Variants in PRKX observed in about 807,000 individuals in gnomAD.
PRKX encodes the protein protein kinase cAMP-dependent X-linked catalytic subunit.
In PRKX, 12 loss-of-function variants were observed where a neutral mutation model predicts 22.0. The observed-to-expected ratio is 0.54, with a 90% CI of 0.35 to 0.88. The LOEUF (loss-of-function observed/expected upper bound fraction) is 0.88, where lower values mean the gene tolerates loss of function less well. Among genes scored for constraint, PRKX ranks in the 40% least tolerant of loss-of-function variants. The pLI, the probability that PRKX is intolerant of heterozygous loss-of-function variation, is 0.01. For missense variants in PRKX, 217 were observed against 308.0 expected, an observed-to-expected ratio of 0.70 and a Z score of 2.21; for synonymous variants, 134 against 137.7, an observed-to-expected ratio of 0.97 and a Z score of 0.19.
chrX:3,650,829 A>T (rs1927312887), intron 3 of PRKX, among the ~76,000 whole-genome samples: 1 of 105,054 alleles, frequency 9.5e-6, no homozygotes, highest in African/African-American at 3.5e-5. Context: ...CAGTGAGCCA[A>T]GATCCCACCA....
chrX:3,653,648 ATT>A (rs1200820233), intron 3 of PRKX, among the ~76,000 whole-genome samples: 2 of 70,029 alleles, frequency 2.9e-5, no homozygotes, highest in Non-Finnish European at 5.1e-5. Context: ...TAATATATAT[ATT>A]ATATATAATA....
intron 4 of PRKX, among the ~76,000 whole-genome samples, chrX:3,637,975 T>C (rs1402537205): frequency 9.0e-6 from 1 of 110,499 alleles, no homozygotes; most frequent in Non-Finnish European, 1.9e-5. Context: ...TTGGCCAGGC[T>C]GGTCTCGAAC....
intron 2 of PRKX, among the ~76,000 whole-genome samples, chrX:3,672,925 G>A (rs908981595): frequency 9.0e-6 from 1 of 111,486 alleles, no homozygotes; most frequent in African/African-American, 3.3e-5. Flanking sequence ...GGCGGCAGAG[G>A]CTGCAGTGGG....
At chrX:3,636,595 C>T (rs1179203871) in intron 4 of PRKX, among the ~76,000 whole-genome samples, 2 of 112,869 alleles carry the variant, frequency 1.8e-5, no homozygotes, top group African/African-American at 6.4e-5. Context: ...TGTGGTGGCT[C>T]ACGCCTGTAA....
intron 2 of PRKX, among the ~76,000 whole-genome samples, chrX:3,656,323 G>A (rs770417112): frequency 9.0e-6 from 1 of 111,636 alleles, no homozygotes; most frequent in Non-Finnish European, 1.9e-5. Flanking sequence ...TATGGGTGTA[G>A]ATGGATAGTA....
chrX:3,615,104 C>T (rs1260366898), intron 7 of PRKX, among the ~76,000 whole-genome samples: 1 of 103,519 alleles, frequency 9.7e-6, no homozygotes, highest in Non-Finnish European at 2.0e-5. Flanking sequence ...CTGCAACCTC[C>T]GCCTCCTGGT....
At chrX:3,611,913 C>T (rs758419424) in intron 8 of PRKX, among the ~76,000 whole-genome samples, 3 of 111,494 alleles carry the variant, frequency 2.7e-5, no homozygotes, top group South Asian at 3.8e-4. Context: ...AACCACCTAG[C>T]GGTCTTATTT....
intron 1 of PRKX, among the ~76,000 whole-genome samples, chrX:3,683,668 C>G (rs1165952682): frequency 9.0e-6 from 1 of 110,954 alleles, no homozygotes; most frequent in Non-Finnish European, 1.9e-5. Flanking sequence ...GAGATCCCAG[C>G]TACAAAAATA....
intron 1 of PRKX, among the ~76,000 whole-genome samples, chrX:3,678,036 G>A (rs995155721): frequency 2.7e-5 from 3 of 111,873 alleles, no homozygotes; most frequent in African/African-American, 9.7e-5. Context: ...GTGGGAGAAG[G>A]GCTTTGAGGA....
intron 8 of PRKX, among the ~76,000 whole-genome samples, chrX:3,611,485 C>T (rs58925526): frequency 1.3e-3 from 148 of 112,192 alleles, no homozygotes; most frequent in African/African-American, 4.6e-3. Flanking sequence ...TATAACCGAG[C>T]AATTTAGAAT....
chrX:3,652,859 T>C (rs1025424449), intron 3 of PRKX, among the ~76,000 whole-genome samples: 7 of 110,415 alleles, frequency 6.3e-5, no homozygotes, highest in African/African-American at 2.3e-4. Flanking sequence ...GATACAGACA[T>C]GCACAGAGGA....
chrX:3,711,635 C>T (rs1242982774), intron 1 of PRKX, among the ~76,000 whole-genome samples: 1 of 111,766 alleles, frequency 8.9e-6, no homozygotes, highest in East Asian at 2.8e-4. Flanking sequence ...CCTACTGTGG[C>T]GGCTGCGCCA....
intron 4 of PRKX, among the ~76,000 whole-genome samples, chrX:3,630,917 TAG>T (rs1196604291): frequency 3.6e-5 from 4 of 112,027 alleles, no homozygotes; most frequent in African/African-American, 1.3e-4. Flanking sequence ...AAGTGTATAC[TAG>T]ACACTTACAT....
intron 1 of PRKX, among the ~76,000 whole-genome samples, chrX:3,681,383 A>G (rs1384260554): frequency 1.8e-5 from 2 of 109,752 alleles, no homozygotes; most frequent in Non-Finnish European, 3.8e-5. Flanking sequence ...CGGGCACAGT[A>G]GCTCACACCT....
chrX:3,665,142 G>A (rs1569054888), intron 2 of PRKX, among the ~76,000 whole-genome samples: 1 of 111,417 alleles, frequency 9.0e-6, no homozygotes, highest in South Asian at 3.7e-4. Context: ...GTGTGTGCAC[G>A]TGCACGTGTG....
At position 3,607,592 on chromosome X, in the gene PRKX, C is replaced by T. The variant is rs1048083652; in HGVS notation, c.*1377G>A. On this transcript the variant is annotated 3_prime_UTR_variant, in exon 9 of 9. Transcript: ENST00000262848. ...CTGCTGAACCTACTAATTATTCTCA[C>T]CTACTGAGTTGACCTCCACGTGAAG... The T allele has an allele frequency of 2.7e-5, 3 of 111,339 alleles. No individual in the cohort carries two copies. Among genetic ancestry groups the T allele is most frequent in the African/African-American group, 9.9e-5 (3 of 30,234 alleles). The allele number at this position is 111,339 out of a possible 1,213,427, so 9.2% of individuals were successfully genotyped here.
intron 4 of PRKX, among the ~76,000 whole-genome samples, chrX:3,630,261 T>C (rs1926741763): frequency 8.9e-6 from 1 of 112,412 alleles, no homozygotes; most frequent in Admixed American, 9.5e-5. Flanking sequence ...GGGTAATTTA[T>C]AAAGAAAAAA....
chrX:3,622,838 C>CA (rs147879304), intron 5 of PRKX, among the ~76,000 whole-genome samples: 86 of 108,772 alleles, frequency 7.9e-4, no homozygotes, highest in African/African-American at 2.5e-3. Context: ...TCCCCCCTGC[C>CA]AAAAAAAAAT....
intron 2 of PRKX, among the ~76,000 whole-genome samples, chrX:3,655,643 A>T (rs1042187064): frequency 4.4e-5 from 5 of 112,641 alleles, no homozygotes; most frequent in Non-Finnish European, 9.4e-5. Flanking sequence ...GTACATACAG[A>T]TGTTACGATG....
Sources: allele counts gnomAD v4.1 joint callset (sites outside exome capture counted in the v4.1 genomes callset), GRCh38; gene constraint gnomAD v4.1.1; transcripts MANE v1.5; gene names NCBI Gene and HGNC (gene_info 2026-07-23, HGNC 2026-07-21).